Variants in EPHA6 observed in about 807,000 individuals in gnomAD.
The protein encoded by EPHA6 is EPH receptor A6.
Under a neutral mutation model 112.0 loss-of-function variants are expected in EPHA6, and 50 were observed. That is an observed-to-expected ratio of 0.45 (90% confidence interval 0.36 to 0.56). The LOEUF is 0.56. Among genes scored for constraint, EPHA6 ranks in the 20% least tolerant of loss-of-function variants. The pLI, the probability that EPHA6 is intolerant of heterozygous loss-of-function variation, is 0.00. For missense variants in EPHA6, 1,280 were observed against 1,417.4 expected, an observed-to-expected ratio of 0.90 and a Z score of 1.56; for synonymous variants, 529 against 490.7, an observed-to-expected ratio of 1.08 and a Z score of -1.03.
intron 13 of EPHA6, among the ~76,000 whole-genome samples, 176 bp downstream of exon 13, chr3:97,611,030 G>A (rs2093715591): frequency 6.6e-6 from 1 of 151,700 alleles, no homozygotes; most frequent in Non-Finnish European, 1.5e-5. Context: ...GTTACTAAGG[G>A]GGGAGGATGT....
At chr3:97,053,220 T>A (rs2045742471) in intron 3 of EPHA6, among the ~76,000 whole-genome samples, 1 of 152,028 alleles carries the variant, frequency 6.6e-6, no homozygotes. Context: ...AATAAACGAC[T>A]AGGAGTATAG....
chr3:97,644,757 A>G (rs2094042661), intron 14 of EPHA6, among the ~76,000 whole-genome samples: 1 of 151,532 alleles, frequency 6.6e-6, no homozygotes. Context: ...GAATCTCTGA[A>G]CAGACCAATA....
chr3:97,346,711 G>C (rs141271759), intron 5 of EPHA6, among the ~76,000 whole-genome samples: 2 of 150,614 alleles, frequency 1.3e-5, no homozygotes, highest in Non-Finnish European at 2.9e-5. Context: ...GCTAAATACA[G>C]CTTCAAATGA....
chr3:96,937,255 C>G (rs546982298), intron 2 of EPHA6, among the ~76,000 whole-genome samples: 15 of 152,310 alleles, frequency 9.8e-5, no homozygotes, highest in Admixed American at 3.3e-4. Context: ...TCTCCACATC[C>G]TCTTCAGCAC....
At chr3:97,662,742 C>A (rs1281789656) in intron 14 of EPHA6, among the ~76,000 whole-genome samples, 1 of 152,216 alleles carries the variant, frequency 6.6e-6, no homozygotes, top group East Asian at 1.9e-4. Context: ...TTTACTTGAA[C>A]TAAATATCCA....
chr3:97,359,070 C>T (rs2084230603), intron 5 of EPHA6, among the ~76,000 whole-genome samples: 1 of 149,514 alleles, frequency 6.7e-6, no homozygotes, highest in South Asian at 2.1e-4. Context: ...ATATATTGAG[C>T]TTGGATATTT....
At chr3:96,830,046 G>A (rs1316571128) in intron 1 of EPHA6, among the ~76,000 whole-genome samples, 1 of 151,288 alleles carries the variant, frequency 6.6e-6, no homozygotes, top group Non-Finnish European at 1.5e-5. Flanking sequence ...GAGTGCAGTG[G>A]TTCACATAAT....
chr3:96,924,476 A>T (rs771332268), intron 2 of EPHA6, among the ~76,000 whole-genome samples: 2 of 152,060 alleles, frequency 1.3e-5, no homozygotes, highest in Non-Finnish European at 2.9e-5. Context: ...AATGCTAGTG[A>T]TTTTTGCATA....
intron 14 of EPHA6, among the ~76,000 whole-genome samples, chr3:97,690,277 T>G (rs762235620): frequency 1.4e-4 from 21 of 152,184 alleles, no homozygotes; most frequent in Non-Finnish European, 2.2e-4. Context: ...GGAATGAGGG[T>G]TCTAATTTCA....
intron 3 of EPHA6, among the ~76,000 whole-genome samples, chr3:97,092,616 CT>C (rs2047107796): frequency 6.6e-6 from 1 of 151,906 alleles, no homozygotes; most frequent in South Asian, 2.1e-4. Flanking sequence ...TACTAGCATT[CT>C]TTTCTTAGGG....
chr3:97,708,185 G>A (rs1276170346), intron 14 of EPHA6, among the ~76,000 whole-genome samples: 1 of 152,164 alleles, frequency 6.6e-6, no homozygotes, highest in Non-Finnish European at 1.5e-5. Context: ...GAATGGTTTT[G>A]ACCAAAATGC....
chr3:97,661,905 C>T (rs758733513), intron 14 of EPHA6, among the ~76,000 whole-genome samples: 1 of 152,150 alleles, frequency 6.6e-6, no homozygotes, highest in Non-Finnish European at 1.5e-5. Context: ...ACAAAATCTG[C>T]ACAGCTCTGA....
chr3:96,872,979 C>T (rs1184885790), intron 2 of EPHA6, among the ~76,000 whole-genome samples: 1 of 151,946 alleles, frequency 6.6e-6, no homozygotes, highest in East Asian at 1.9e-4. Context: ...ATTTGATATT[C>T]CCATTACACA....
intron 14 of EPHA6, among the ~76,000 whole-genome samples, chr3:97,638,751 T>C (rs2093973812): frequency 6.6e-6 from 1 of 152,162 alleles, no homozygotes; most frequent in African/African-American, 2.4e-5. Flanking sequence ...AGAAATTTGG[T>C]CTCAAAGTCT....
chr3:97,134,068 A>G (rs1391103483), intron 3 of EPHA6, among the ~76,000 whole-genome samples: 1 of 152,032 alleles, frequency 6.6e-6, no homozygotes, highest in African/African-American at 2.4e-5. Context: ...TAAATGTAAC[A>G]TGCTGCAAAA....
chr3:97,561,412 C>A (rs1170155147), intron 11 of EPHA6, among the ~76,000 whole-genome samples: 1 of 152,034 alleles, frequency 6.6e-6, no homozygotes, highest in African/African-American at 2.4e-5. Flanking sequence ...AGCCTTATTA[C>A]TGATAGGGAT....
At chr3:97,292,442 G>C (rs956068497) in intron 5 of EPHA6, among the ~76,000 whole-genome samples, 1 of 152,260 alleles carries the variant, frequency 6.6e-6, no homozygotes, top group Non-Finnish European at 1.5e-5. Context: ...CAAGTGGAGG[G>C]TAAGCAAGGC....
chr3:97,541,727 G>GTTTTTTTT (rs59024112), intron 11 of EPHA6, among the ~76,000 whole-genome samples: 4 of 131,878 alleles, frequency 3.0e-5, no homozygotes, highest in East Asian at 2.3e-4. Flanking sequence ...TCTTTTTTTT[G>GTTTTTTTT]TTTTTTTTTT....
intron 5 of EPHA6, among the ~76,000 whole-genome samples, chr3:97,351,396 G>C (rs2083807645): frequency 6.6e-6 from 1 of 152,076 alleles, no homozygotes; most frequent in Admixed American, 6.6e-5. Flanking sequence ...AACAAATTCT[G>C]TTATTTTTGT....
Sources: gnomAD v4.1 joint callset for allele counts (sites outside exome capture counted in the v4.1 genomes callset) on GRCh38, gnomAD v4.1.1 for gene constraint, MANE v1.5 for transcripts, NCBI Gene and HGNC (gene_info 2026-07-23, HGNC 2026-07-21) for gene names.